Variants in ZNF141 observed in about 807,000 individuals in gnomAD.
ZNF141 encodes the protein zinc finger protein 141 (clone pHZ-44).
A neutral mutation model predicts 11.3 loss-of-function variants in ZNF141; 7 were observed. That is an observed-to-expected ratio of 0.62 (90% CI 0.35 to 1.16). The LOEUF is 1.16. ZNF141 is among the 50% of genes most tolerant of loss of function. The pLI is 0.02. For missense variants in ZNF141, 535 were observed against 554.0 expected, an observed-to-expected ratio of 0.97 and a Z score of 0.34; for synonymous variants, 183 against 190.7, an observed-to-expected ratio of 0.96 and a Z score of 0.33.
chr4:350,980 A>C (rs1454464019), intron 3 of ZNF141, among the ~76,000 whole-genome samples: 1 of 150,292 alleles, frequency 6.7e-6, no homozygotes, highest in Non-Finnish European at 1.5e-5. Flanking sequence ...GGATCTCCTG[A>C]CCTCATGATC....
intron 3 of ZNF141, among the ~76,000 whole-genome samples, chr4:344,770 GTGACAGAGT>G (rs782268447): frequency 6.6e-5 from 10 of 152,128 alleles, no homozygotes; most frequent in Non-Finnish European, 1.5e-4. Context: ...CTCCAGCCTG[GTGACAGAGT>G]TAGACTCCGT....
rs187962683 is a variant in ZNF141, at chr4:346,422, A to G, written c.226+1992A>G. 5.7e-3 allele frequency among the ~76,000 whole-genome samples: 861 copies of G among 152,330 alleles called. 11 individuals carry two copies. Among genetic ancestry groups the G allele is most frequent in the African/African-American group, 0.019 (778 of 41,576 alleles). On this transcript the variant is annotated intron_variant, in intron 3 of 3. Transcript: ENST00000240499. The stretch of plus-strand genomic sequence containing the variant: ...TGAAACAATATAGTCAAGTTCATGA[A>G]GAAATCTATTACTTCACCTAGATAA...
chr4:363,254 A>G (rs1186230323), intron 3 of ZNF141, among the ~76,000 whole-genome samples: 1 of 152,220 alleles, frequency 6.6e-6, no homozygotes, highest in East Asian at 1.9e-4. Context: ...GAAGTTGCTT[A>G]TCAGCTTGAG....
At chr4:369,757 TA>T (rs1553853319) in intron 3 of ZNF141, among the ~76,000 whole-genome samples, 15 of 52,038 alleles carry the variant, frequency 2.9e-4, no homozygotes, top group African/African-American at 9.1e-4. Flanking sequence ...TATATATATA[TA>T]TATATATTTT....
At chr4:367,649 T>G (rs1424926674) in intron 3 of ZNF141, among the ~76,000 whole-genome samples, 2 of 151,954 alleles carry the variant, frequency 1.3e-5, no homozygotes, top group Admixed American at 1.3e-4. Context: ...CCTGAGTAGC[T>G]GGGATTACAG....
chr4:344,644 A>G (rs1289102323), intron 3 of ZNF141, among the ~76,000 whole-genome samples: 6 of 152,134 alleles, frequency 3.9e-5, no homozygotes, highest in African/African-American at 9.7e-5. Flanking sequence ...AAATACAAAA[A>G]TTAGCTGGGC....
In ZNF141 at chr4:352,290, G is replaced by A. The variant is rs969267776; in HGVS notation, c.226+7860G>A. Among the ~76,000 whole-genome samples, 48 of 152,220 alleles carry A rather than the reference G, an allele frequency of 3.2e-4. 1 individual carries two copies. Among genetic ancestry groups the A allele is most frequent in the Non-Finnish European group, 6.6e-4 (45 of 68,036 alleles). ...TAGTCCCAGCTACTCAGAAGGCTGA[G>A]GCAGGAGAATCACTTGAACCCGGGA... On this transcript the variant is annotated intron_variant, in intron 3 of 3. Transcript: ENST00000240499.
Position 383,403 on chromosome 4 carries a change from C to G in ZNF141, c.*9541C>G, listed in dbSNP as rs1366721052. 4.9e-6 allele frequency: 2 copies of G among 407,810 alleles called. No homozygotes were observed. The highest frequency in any genetic ancestry group is 4.1e-5 in the African/African-American group (2 of 48,862). The allele number at this position is 407,810 out of a possible 1,614,324, so 25.3% of individuals were successfully genotyped here. On this transcript the variant is annotated 3_prime_UTR_variant, in exon 4 of 4. Coordinates refer to ENST00000240499, the MANE Select transcript of ZNF141 (RefSeq NM_003441.4). ...CTCAGGACAGATTGATCACAAATAA[C>G]CTGCAAATGCTTGCCACCCTGTAAG...
chr4:369,735 G>T (rs13122436), intron 3 of ZNF141, among the ~76,000 whole-genome samples: 5 of 16,160 alleles, frequency 3.1e-4, no homozygotes, highest in East Asian at 2.5e-3. Flanking sequence ...ATTTCTTAAA[G>T]AGATATATAT....
At chr4:357,707 C>CTT (rs572493320) in intron 3 of ZNF141, among the ~76,000 whole-genome samples, 53 of 132,586 alleles carry the variant, frequency 4.0e-4, no homozygotes, top group Non-Finnish European at 5.7e-4. Flanking sequence ...TTTCTTTTTT[C>CTT]TTTTTTTTTT....
rs1712403628 is a variant in ZNF141, at chr4:377,020, T to C, written c.*3158T>C. 6.6e-6 allele frequency among the ~76,000 whole-genome samples: 1 copy of C among 152,316 alleles called. No individual in the cohort carries two copies. The highest frequency in any genetic ancestry group is 2.4e-5 in the African/African-American group (1 of 41,594). On this transcript the variant is annotated 3_prime_UTR_variant, in exon 4 of 4. Transcript: ENST00000240499. ...TTATAAGAATGATTTTTATAAAATG[T>C]AGTGAATGTAAAATTTTTAGATGTA...
At chr4:338,074 A>G in intron 1 of ZNF141, 88 bp downstream of exon 1, 3 of 1,573,548 alleles carry the variant, frequency 1.9e-6, no homozygotes, top group Non-Finnish European at 2.6e-6. Context: ...CTGCGAACGG[A>G]GTCCCCGCTG....
Position 366,349 on chromosome 4 carries a change from C to T in ZNF141, c.227-6315C>T, listed in dbSNP as rs544428920. Among the ~76,000 whole-genome samples the T allele has an allele frequency of 2.0e-5, 3 of 152,304 alleles. No individual in the cohort carries two copies. In the South Asian group the frequency reaches 6.2e-4, roughly 32 times the overall value. On this transcript the variant is annotated intron_variant, in intron 3 of 3. Coordinates refer to ENST00000240499, the MANE Select transcript of ZNF141 (RefSeq NM_003441.4). ...TTTGAGACAAAGTCTCACCCTGTTG[C>T]CCAGGCTGGAGTGCAATGGCACAAT...
rs1712400663 is a variant in ZNF141, at chr4:376,965, G to A, written c.*3103G>A. ...ATTCTCTTTTTTGTTTTCACTTCAT[G>A]AAGTGTTTATTATGTGAGCTGGTCA... On this transcript the variant is annotated 3_prime_UTR_variant, in exon 4 of 4. Coordinates refer to ENST00000240499, the MANE Select transcript of ZNF141 (RefSeq NM_003441.4). Among the ~76,000 whole-genome samples, 1 of 152,070 alleles carries A rather than the reference G, an allele frequency of 6.6e-6. No individual in the cohort carries two copies. The highest frequency in any genetic ancestry group is 2.1e-4 in the South Asian group (1 of 4,822).
rs188583158 is a variant in ZNF141, at chr4:350,857, A to G, written c.226+6427A>G. ...CGGGTTCATGCCATTCTCCTGCCTCAACCTCCAGAGTAGCTGGGATTACAG... is the reference window on the plus strand; with the variant it reads ...CGGGTTCATGCCATTCTCCTGCCTCGACCTCCAGAGTAGCTGGGATTACAG... On this transcript the variant is annotated intron_variant, in intron 3 of 3. Coordinates refer to ENST00000240499, the MANE Select transcript of ZNF141 (RefSeq NM_003441.4). Among the ~76,000 whole-genome samples the G allele has an allele frequency of 7.8e-3, 1,189 of 151,554 alleles. 17 individuals carry two copies. The highest frequency in any genetic ancestry group is 0.027 in the African/African-American group (1,132 of 41,278).
chr4:344,821 C>G (rs1553849281), intron 3 of ZNF141, among the ~76,000 whole-genome samples: 1 of 151,902 alleles, frequency 6.6e-6, no homozygotes, highest in Non-Finnish European at 1.5e-5. Flanking sequence ...AAAAATAAAC[C>G]AGGTAGTTTG....
At chr4:347,659 C>A (rs548728939) in intron 3 of ZNF141, among the ~76,000 whole-genome samples, 1 of 150,930 alleles carries the variant, frequency 6.6e-6, no homozygotes, top group South Asian at 2.1e-4. Flanking sequence ...TAGTTTTATT[C>A]TTTACTGTAT....
rs1553854204 is a variant in ZNF141 at position 374,017 on chromosome 4, G to T, written c.*155G>T. ...TTCTCAAACCTTGATAAACATAAGA[G>T]AATTCATACCGGAGAGAAACTGTAC... On this transcript the variant is annotated 3_prime_UTR_variant, in exon 4 of 4. Transcript: ENST00000240499. 2.4e-5 allele frequency: 17 copies of T among 708,350 alleles called. No individual in the cohort carries two copies. The highest frequency in any genetic ancestry group is 4.1e-5 in the Non-Finnish European group (17 of 414,004). 43.9% of individuals were successfully genotyped at this position (708,350 alleles called of 1,614,324 possible). A position where few individuals can be genotyped will look rare whatever the true frequency, so the allele number is the denominator to read the frequency against.
chr4:374,039 G>T lies in ZNF141; in HGVS notation c.*177G>T. 1.6e-6 allele frequency: 1 copy of T among 642,458 alleles called. No individual in the cohort carries two copies. The highest frequency in any genetic ancestry group is 2.7e-6 in the Non-Finnish European group (1 of 368,074). The allele number at this position is 642,458 out of a possible 1,614,324, so 39.8% of individuals were successfully genotyped here. On this transcript the variant is annotated 3_prime_UTR_variant, in exon 4 of 4. Coordinates refer to ENST00000240499, the MANE Select transcript of ZNF141 (RefSeq NM_003441.4). ...AGAGAATTCATACCGGAGAGAAACT[G>T]TACAAATGTGAAGAATATGGCAAAG...
Sources: gnomAD v4.1 joint callset for allele counts (sites outside exome capture counted in the v4.1 genomes callset) on GRCh38, gnomAD v4.1.1 for gene constraint, MANE v1.5 for transcripts, NCBI Gene and HGNC (gene_info 2026-07-23, HGNC 2026-07-21) for gene names.